SBF2: variants seen among roughly 807,000 people sequenced by gnomAD.
SBF2 encodes SET binding factor 2.
In SBF2, 112 loss-of-function variants were observed where a neutral mutation model predicts 225.2. That is an observed-to-expected ratio of 0.50 (90% CI 0.43 to 0.58). The LOEUF is 0.58. SBF2 is among the 20% of genes least tolerant of loss of function. The pLI, the probability that SBF2 is intolerant of heterozygous loss-of-function variation, is 0.00. For missense variants in SBF2, 1,996 were observed against 2,206.2 expected (o/e 0.90, Z 1.91); for synonymous variants, 763 against 773.3 (o/e 0.99, Z 0.22).
At chr11:9,834,617 G>C (rs1855622354) in intron 26 of SBF2, among the ~76,000 whole-genome samples, 1 of 152,112 alleles carries the variant, frequency 6.6e-6, no homozygotes. Context: ...CTAGGGCTTT[G>C]GTGATCTAGG....
chr11:9,989,365 G>A, intron 13 of SBF2, 132 bp downstream of exon 13: 2 of 616,540 alleles, frequency 3.2e-6, no homozygotes, highest in South Asian at 2.1e-5. Context: ...GGTGATGAGT[G>A]CACCAAAATC....
At chr11:10,284,137 T>C (rs1400030715) in intron 1 of SBF2, among the ~76,000 whole-genome samples, 1 of 152,190 alleles carries the variant, frequency 6.6e-6, no homozygotes, top group East Asian at 1.9e-4. Context: ...TAAGAATTAA[T>C]ACAGAAACCA....
At chr11:9,812,428 G>A in intron 30 of SBF2, 104 bp downstream of exon 30, 1 of 1,203,452 alleles carries the variant, frequency 8.3e-7, no homozygotes. Context: ...AGAATGTTGG[G>A]GAGTAGGGGA....
In SBF2 at chr11:10,294,139, G is replaced by T; in HGVS notation, c.-70C>A. 1 of 1,194,020 alleles carries T rather than the reference G, an allele frequency of 8.4e-7. No individual in the cohort carries two copies. Among genetic ancestry groups the T allele is most frequent in the Non-Finnish European group, 1.1e-6 (1 of 931,854 alleles). The allele number at this position is 1,194,020 out of a possible 1,614,324, so 74.0% of individuals were successfully genotyped here. On this transcript the variant is annotated 5_prime_UTR_variant, in exon 1 of 40. Coordinates refer to ENST00000256190, the MANE Select transcript of SBF2 (RefSeq NM_030962.4). The stretch of plus-strand genomic sequence containing the variant: ...TCGCCGCCGCCGCCCACCCGGCCCG[G>T]GAGGGCTCAGCATTTTCCCTGCAGC...
chr11:10,254,608 T>TA (rs577267923), intron 1 of SBF2, among the ~76,000 whole-genome samples: 18,728 of 142,842 alleles, frequency 0.13, 1,274 homozygotes, highest in African/African-American at 0.16. Context: ...ATTCAGCCTT[T>TA]AAAAAAAAAA....
intron 1 of SBF2, among the ~76,000 whole-genome samples, chr11:10,266,414 C>G (rs1198074929): frequency 3.3e-5 from 5 of 152,198 alleles, no homozygotes; most frequent in African/African-American, 1.2e-4. Flanking sequence ...TCCCTGCATG[C>G]AGGACAACAG....
chr11:9,898,562 T>G (rs1209958277), intron 16 of SBF2, among the ~76,000 whole-genome samples: 1 of 152,036 alleles, frequency 6.6e-6, no homozygotes, highest in African/African-American at 2.4e-5. Flanking sequence ...TCCCAGCTAC[T>G]CAGGAGGCTG....
chr11:10,168,282 G>A (rs895958327), intron 2 of SBF2, among the ~76,000 whole-genome samples: 2 of 152,098 alleles, frequency 1.3e-5, no homozygotes, highest in Admixed American at 6.5e-5. Flanking sequence ...ATCTATCATT[G>A]CTAAATATTC....
At chr11:10,250,089 T>C (rs1046910539) in intron 1 of SBF2, among the ~76,000 whole-genome samples, 1 of 152,124 alleles carries the variant, frequency 6.6e-6, no homozygotes, top group Admixed American at 6.5e-5. Flanking sequence ...ATCATAATTA[T>C]GGTTAAGTTT....
intron 1 of SBF2, among the ~76,000 whole-genome samples, chr11:10,228,436 C>G (rs1019037970): frequency 1.1e-4 from 17 of 152,142 alleles, no homozygotes; most frequent in African/African-American, 3.9e-4. Context: ...TTTGCCCATT[C>G]AGTATGATAT....
chr11:9,880,625 C>T (rs1859682219), intron 17 of SBF2, among the ~76,000 whole-genome samples: 1 of 152,162 alleles, frequency 6.6e-6, no homozygotes, highest in Non-Finnish European at 1.5e-5. Context: ...ATCTTCCTAT[C>T]TTCTACACTG....
At chr11:10,228,634 G>C (rs947486449) in intron 1 of SBF2, among the ~76,000 whole-genome samples, 1 of 152,096 alleles carries the variant, frequency 6.6e-6, no homozygotes, top group African/African-American at 2.4e-5. Flanking sequence ...ATTGATTTTG[G>C]CATGTTGAAC....
chr11:9,872,344 T>A (rs1004136283), intron 17 of SBF2, among the ~76,000 whole-genome samples: 2 of 152,096 alleles, frequency 1.3e-5, no homozygotes, highest in Non-Finnish European at 1.5e-5. Context: ...ACCTAATGGA[T>A]GCTGGGCTTA....
At chr11:10,104,974 T>C (rs1480898984) in intron 2 of SBF2, among the ~76,000 whole-genome samples, 1 of 152,244 alleles carries the variant, frequency 6.6e-6, no homozygotes, top group Non-Finnish European at 1.5e-5. Flanking sequence ...ATTTTATATA[T>C]TGCTAGATTC....
intron 29 of SBF2, among the ~76,000 whole-genome samples, chr11:9,815,955 G>C (rs985298477): frequency 4.6e-5 from 7 of 152,142 alleles, no homozygotes; most frequent in African/African-American, 1.7e-4. Context: ...GGCATCTTAA[G>C]GGCCAAGCAT....
intron 1 of SBF2, among the ~76,000 whole-genome samples, chr11:10,286,407 GAT>G (rs1963791633): frequency 1.0e-4 from 4 of 39,824 alleles, no homozygotes; most frequent in Admixed American, 7.6e-4. Flanking sequence ...GCAGTTGTGC[GAT>G]CTCGGCTCAC....
At chr11:10,199,229 A>G (rs1348053788) in intron 1 of SBF2, among the ~76,000 whole-genome samples, 1 of 152,128 alleles carries the variant, frequency 6.6e-6, no homozygotes, top group Admixed American at 6.5e-5. Flanking sequence ...AGAGGGAGAG[A>G]GATGATGGAA....
intron 27 of SBF2, 127 bp downstream of exon 27, chr11:9,832,096 CA>C: frequency 1.3e-6 from 1 of 790,130 alleles, no homozygotes; most frequent in South Asian, 1.5e-5. Context: ...TTGCATGTAG[CA>C]AAGTGGAAAA....
At position 10,193,946 on chromosome 11, in the gene SBF2, G is replaced by A; in HGVS notation, c.97C>T (p.Gln33Ter). 6.2e-7 allele frequency: 1 copy of A among 1,612,984 alleles called. No individual in the cohort carries two copies. The highest frequency in any genetic ancestry group is 8.5e-7 in the Non-Finnish European group (1 of 1,179,102). Residue 33 changes from glutamine (Q) to a stop codon, truncating the protein, a stop_gained, in exon 2 of 40, where the codon CAG (glutamine) becomes TAG (stop). Coordinates refer to ENST00000256190, the MANE Select transcript of SBF2 (RefSeq NM_030962.4). LOFTEE classifies it high-confidence loss of function. ...GLGKIIQRFP[Q>*]KDWDDTPFPQ... Reference sequence around the variant, plus strand: ...AAAGGTGTATCATCCCAGTCCTTCTGTGGAAATCTCTGGATTATTTTCCCC... The same window carrying A: ...AAAGGTGTATCATCCCAGTCCTTCTATGGAAATCTCTGGATTATTTTCCCC...
Sources: gnomAD v4.1 joint callset for allele counts (sites outside exome capture counted in the v4.1 genomes callset) on GRCh38, gnomAD v4.1.1 for gene constraint, MANE v1.5 for transcripts, NCBI Gene and HGNC (gene_info 2026-07-23, HGNC 2026-07-21) for gene names.